Variants in RPTOR observed in about 807,000 individuals in gnomAD.
The protein encoded by RPTOR is regulatory associated protein of MTOR complex 1.
In RPTOR, 21 loss-of-function variants were observed where a neutral mutation model predicts 169.9. The ratio of observed to expected loss-of-function variants is 0.12; its 90% CI spans 0.09 to 0.18. RPTOR has a LOEUF of 0.18. Among genes scored for constraint, RPTOR ranks in the 10% least tolerant of loss-of-function variants. The pLI, the probability that RPTOR is intolerant of heterozygous loss-of-function variation, is 1.00. For missense variants in RPTOR, 1,133 were observed against 1,855.9 expected (o/e 0.61, Z 7.16); for synonymous variants, 732 against 753.2 (o/e 0.97, Z 0.46).
intron 3 of RPTOR, among the ~76,000 whole-genome samples, chr17:80,685,450 AT>A (rs528622064): frequency 1.1e-3 from 148 of 137,046 alleles, no homozygotes; most frequent in Middle Eastern, 3.7e-3. Flanking sequence ...TAATTAAAAC[AT>A]TTTTTTTTTT....
intron 1 of RPTOR, among the ~76,000 whole-genome samples, chr17:80,607,771 G>A (rs957123287): frequency 2.5e-4 from 38 of 152,096 alleles, no homozygotes; most frequent in African/African-American, 8.7e-4. Context: ...GTACCTGCTC[G>A]TTGTACCACC....
intron 2 of RPTOR, among the ~76,000 whole-genome samples, chr17:80,632,763 G>C (rs1160074051): frequency 6.6e-6 from 1 of 152,154 alleles, no homozygotes; most frequent in Non-Finnish European, 1.5e-5. Flanking sequence ...ACATTTGCAG[G>C]AGTGTGTAGC....
At chr17:80,605,602 G>T (rs1201609912) in intron 1 of RPTOR, among the ~76,000 whole-genome samples, 2 of 152,182 alleles carry the variant, frequency 1.3e-5, no homozygotes, top group Non-Finnish European at 2.9e-5. Context: ...GCAAAACAGA[G>T]TTGGGTACCA....
chr17:80,794,136 G>A (rs909176924), intron 7 of RPTOR, among the ~76,000 whole-genome samples: 6 of 151,722 alleles, frequency 4.0e-5, no homozygotes, highest in African/African-American at 7.3e-5. Context: ...TGAAAGACAC[G>A]CTGATATGAA....
At chr17:80,658,385 T>G (rs1169328760) in intron 3 of RPTOR, among the ~76,000 whole-genome samples, 1 of 152,234 alleles carries the variant, frequency 6.6e-6, no homozygotes, top group East Asian at 1.9e-4. Flanking sequence ...TAGAATTCTA[T>G]GTCAACTTTT....
chr17:80,590,793 G>GACC (rs1347563981), intron 1 of RPTOR, among the ~76,000 whole-genome samples: 1 of 152,078 alleles, frequency 6.6e-6, no homozygotes, highest in African/African-American at 2.4e-5. Context: ...TTTTTGTTGG[G>GACC]TTTTAACACC....
At chr17:80,883,020 G>A (rs1024786507) in intron 14 of RPTOR, among the ~76,000 whole-genome samples, 1 of 152,234 alleles carries the variant, frequency 6.6e-6, no homozygotes, top group Non-Finnish European at 1.5e-5. Flanking sequence ...CTAGAGCGCT[G>A]CCTCCATGCC....
At chr17:80,555,640 A>C (rs1299404963) in intron 1 of RPTOR, among the ~76,000 whole-genome samples, 1 of 152,268 alleles carries the variant, frequency 6.6e-6, no homozygotes, top group Non-Finnish European at 1.5e-5. Context: ...TAGTAATTAC[A>C]GGTGAGAATG....
intron 5 of RPTOR, among the ~76,000 whole-genome samples, chr17:80,733,894 A>C (rs2066413095): frequency 6.6e-6 from 1 of 152,196 alleles, no homozygotes; most frequent in Non-Finnish European, 1.5e-5. Context: ...TAGTTTTATC[A>C]GTAATAGCTC....
intron 3 of RPTOR, among the ~76,000 whole-genome samples, chr17:80,671,605 T>G (rs1184277385): frequency 1.3e-5 from 2 of 152,164 alleles, no homozygotes; most frequent in Non-Finnish European, 2.9e-5. Context: ...GGGGGATACT[T>G]TCAAAAATCC....
chr17:80,963,074 G>A lies in RPTOR; in HGVS notation c.3939+17G>A. 3 of 1,528,380 alleles carry A rather than the reference G, an allele frequency of 2.0e-6. No homozygotes were observed. The highest frequency in any genetic ancestry group is 2.7e-6 in the Non-Finnish European group (3 of 1,129,664). 94.7% of individuals were successfully genotyped at this position (1,528,380 alleles called of 1,614,324 possible). On this transcript the variant is annotated intron_variant, in intron 33 of 33. Transcript: ENST00000306801. Reference sequence around the variant, plus strand: ...CCGCACTGGGTCAGTGTGGCGGTGGGTGGGGGTCGGGGGTCGGGGGCTGGG... The same window carrying A: ...CCGCACTGGGTCAGTGTGGCGGTGGATGGGGGTCGGGGGTCGGGGGCTGGG...
chr17:80,958,171 C>T (rs1440026288), intron 29 of RPTOR, among the ~76,000 whole-genome samples: 1 of 142,588 alleles, frequency 7.0e-6, no homozygotes, highest in Admixed American at 7.2e-5. Context: ...GCCTCAACCT[C>T]CTGGTCCAAG....
intron 4 of RPTOR, among the ~76,000 whole-genome samples, chr17:80,713,193 G>A (rs894456809): frequency 1.7e-4 from 26 of 151,940 alleles, no homozygotes; most frequent in Admixed American, 2.0e-4. Flanking sequence ...CTCAACCCCC[G>A]AAGTAGCAGG....
chr17:80,797,289 T>A (rs891579163), intron 7 of RPTOR, among the ~76,000 whole-genome samples: 2 of 152,186 alleles, frequency 1.3e-5, no homozygotes, highest in African/African-American at 4.8e-5. Flanking sequence ...CATGCCATCA[T>A]GCCTGGCTAA....
chr17:80,829,577 C>A (rs556283649), intron 9 of RPTOR, among the ~76,000 whole-genome samples: 2 of 152,232 alleles, frequency 1.3e-5, no homozygotes, highest in Admixed American at 6.5e-5. Context: ...GGGCCATGAA[C>A]CCCTAGGGAC....
At position 80,923,688 on chromosome 17, in the gene RPTOR, C is replaced by A. The variant is rs748890954; in HGVS notation, c.2808+15C>A. ...GCCCAGAGCAGGTACGGGAGCCCGG[C>A]TGCCTGGTGATCTGGACACTGAGAG... On this transcript the variant is annotated intron_variant, in intron 23 of 33. Transcript: ENST00000306801. The A allele has an allele frequency of 4.5e-6, 7 of 1,567,086 alleles. No homozygotes were observed. The highest frequency in any genetic ancestry group is 6.1e-6 in the Non-Finnish European group (7 of 1,153,214).
At chr17:80,773,236 C>T (rs1006557130) in intron 6 of RPTOR, among the ~76,000 whole-genome samples, 99 of 152,324 alleles carry the variant, frequency 6.5e-4, no homozygotes, top group African/African-American at 2.3e-3. Context: ...GTTGTCCCTT[C>T]ACCTGCAGTT....
intron 4 of RPTOR, among the ~76,000 whole-genome samples, chr17:80,711,892 C>A (rs894847835): frequency 4.0e-5 from 6 of 151,666 alleles, no homozygotes; most frequent in African/African-American, 1.5e-4. Flanking sequence ...TACAGGCGCC[C>A]GCCGCCACGC....
intron 13 of RPTOR, among the ~76,000 whole-genome samples, chr17:80,877,900 C>T (rs1369263387): frequency 6.6e-6 from 1 of 152,182 alleles, no homozygotes; most frequent in Non-Finnish European, 1.5e-5. Context: ...CCATAACCCG[C>T]CTCATCAGTG....
Sources: gnomAD v4.1 joint callset for allele counts (sites outside exome capture counted in the v4.1 genomes callset) on GRCh38, gnomAD v4.1.1 for gene constraint, MANE v1.5 for transcripts, NCBI Gene and HGNC (gene_info 2026-07-23, HGNC 2026-07-21) for gene names.